DIP2A: variants seen among roughly 807,000 people sequenced by gnomAD.
The protein encoded by DIP2A is DIP2 acetate--CoA ligase A.
In DIP2A, 85 loss-of-function variants were observed where a neutral mutation model predicts 177.4. The ratio of observed to expected loss-of-function variants is 0.48; its 90% confidence interval spans 0.40 to 0.57. The LOEUF (loss-of-function observed/expected upper bound fraction) is 0.57, where lower values mean the gene tolerates loss of function less well. Ranked by LOEUF, DIP2A falls within the 20% of genes least tolerant of loss-of-function variation. The pLI is 0.00. For missense variants in DIP2A, 1,791 were observed against 2,100.2 expected (o/e 0.85, Z 2.88); for synonymous variants, 886 against 881.8 (o/e 1.00, Z -0.08).
chr21:46,470,198 G>A (rs2055226154), intron 1 of DIP2A, among the ~76,000 whole-genome samples: 1 of 152,054 alleles, frequency 6.6e-6, no homozygotes. Context: ...AAATGGGCTG[G>A]GCACAGTAGC....
chr21:46,487,891 G>T (rs1038810869), intron 2 of DIP2A, among the ~76,000 whole-genome samples: 1 of 152,220 alleles, frequency 6.6e-6, no homozygotes, highest in African/African-American at 2.4e-5. Flanking sequence ...TCTCAAGTTA[G>T]TGTGTGAACA....
chr21:46,503,571 TCTTC>T (rs911345370), intron 5 of DIP2A, among the ~76,000 whole-genome samples: 1,635 of 83,684 alleles, frequency 0.02, 24 homozygotes, highest in Middle Eastern at 0.029. Flanking sequence ...TGAGGGAATT[TCTTC>T]CTTCCTTCCT....
intron 1 of DIP2A, among the ~76,000 whole-genome samples, chr21:46,462,047 C>G (rs1479930202): frequency 3.3e-5 from 5 of 151,464 alleles, no homozygotes; most frequent in African/African-American, 1.2e-4. Context: ...GACCTTGTCT[C>G]AAAAAAAAGT....
At chr21:46,533,812 G>A (rs3747010) in intron 11 of DIP2A, among the ~76,000 whole-genome samples, 165 bp downstream of exon 11, 38,210 of 152,146 alleles carry the variant, frequency 0.25, 5,110 homozygotes, top group East Asian at 0.36. Flanking sequence ...TTCATGTCTC[G>A]ACCTGTACTG....
intron 32 of DIP2A, 126 bp downstream of exon 32, chr21:46,558,519 T>C (rs1156382220): frequency 2.2e-6 from 2 of 915,620 alleles, no homozygotes; most frequent in Non-Finnish European, 1.7e-6. Context: ...GCCTTTGATA[T>C]CTCATTTCCA....
chr21:46,528,527 CTTTTTTTTTTTTTTTTTTTTTTTTTTTTT>C (rs1162872343), intron 8 of DIP2A, among the ~76,000 whole-genome samples: 1 of 29,380 alleles, frequency 3.4e-5, no homozygotes. Context: ...TTTCTGCTTG[CTTTTTTTTTTTTTTTTTTTTTTTTTTTTT>C]TTTTTTTTTT....
chr21:46,520,623 G>A (rs1001857177), intron 8 of DIP2A, among the ~76,000 whole-genome samples: 1 of 152,214 alleles, frequency 6.6e-6, no homozygotes, highest in African/African-American at 2.4e-5. Context: ...ATTTTGTATG[G>A]ATGACAGAAT....
intron 8 of DIP2A, among the ~76,000 whole-genome samples, chr21:46,512,012 G>C (rs2058335998): frequency 6.6e-6 from 1 of 151,904 alleles, no homozygotes; most frequent in Admixed American, 6.6e-5. Flanking sequence ...AGTGAATATG[G>C]TCCTGTAATC....
chr21:46,514,079 A>AT (rs1053481746), intron 8 of DIP2A, among the ~76,000 whole-genome samples: 11 of 151,998 alleles, frequency 7.2e-5, no homozygotes, highest in African/African-American at 2.4e-4. Flanking sequence ...GTAATTTGTA[A>AT]TTTTCTCTAC....
chr21:46,577,685 C>G, the DIP2A span, among the ~76,000 whole-genome samples: 2 of 151,994 alleles, frequency 1.3e-5, no homozygotes, highest in Non-Finnish European at 2.9e-5. Context: ...CAATGGTAGT[C>G]TAATGGTAAT....
chr21:46,487,588 A>G (rs1215099414), intron 2 of DIP2A, among the ~76,000 whole-genome samples: 1 of 152,238 alleles, frequency 6.6e-6, no homozygotes, highest in African/African-American at 2.4e-5. Context: ...TTATACCTCA[A>G]AAACTCATGT....
At chr21:46,554,050 C>T (rs2060365569) in intron 25 of DIP2A, 119 bp from the exon 26 acceptor site, 1 of 1,337,774 alleles carries the variant, frequency 7.5e-7, no homozygotes. Flanking sequence ...TTGTCATTAT[C>T]ATGGACGCTA....
chr21:46,534,477 A>G lies in DIP2A; in HGVS notation c.1540-108A>G, dbSNP rs1601717183. On this transcript the variant is annotated intron_variant, in intron 12 of 37. Coordinates refer to ENST00000417564, the MANE Select transcript of DIP2A (RefSeq NM_015151.4). ...CTGCTGGTTAGAGGCCGATGGTTAG[A>G]GGAGAGACACTGACCACTTCTTCTT... 3.7e-6 allele frequency: 4 copies of G among 1,072,678 alleles called. No individual in the cohort carries two copies. In the East Asian group the frequency reaches 1.0e-4, roughly 28 times the overall value. The allele number at this position is 1,072,678 out of a possible 1,614,324, so 66.4% of individuals were successfully genotyped here. A position where few individuals can be genotyped will look rare whatever the true frequency, so the allele number is the denominator to read the frequency against.
chr21:46,519,859 T>TA (rs2058745512), intron 8 of DIP2A, among the ~76,000 whole-genome samples: 1 of 38,376 alleles, frequency 2.6e-5, no homozygotes, highest in East Asian at 6.8e-4. Context: ...ATCTAGATTT[T>TA]TTTTTTTTTT....
chr21:46,511,617 A>G lies in DIP2A; in HGVS notation c.1102+3A>G. 1 of 1,525,304 alleles carries G rather than the reference A, an allele frequency of 6.6e-7. No individual in the cohort carries two copies. Among genetic ancestry groups the G allele is most frequent in the Non-Finnish European group, 8.8e-7 (1 of 1,139,432 alleles). 94.5% of individuals were successfully genotyped at this position (1,525,304 alleles called of 1,614,324 possible). A position where few individuals can be genotyped will look rare whatever the true frequency, so the allele number is the denominator to read the frequency against. On this transcript the variant is annotated splice_donor_region_variant and intron_variant, in intron 8 of 37. Coordinates refer to ENST00000417564, the MANE Select transcript of DIP2A (RefSeq NM_015151.4). ...AGCCGTCTACACTCTCACCTATGGC[A>G]AGTGTTAACAGAAAGCAGTTGTGCT...
chr21:46,502,187 G>A (rs920495329), intron 5 of DIP2A, among the ~76,000 whole-genome samples: 8 of 152,066 alleles, frequency 5.3e-5, no homozygotes, highest in African/African-American at 1.4e-4. Flanking sequence ...CCGGGCTAGA[G>A]TGCAGCGGTA....
chr21:46,543,165 T>A (rs2059888073), intron 18 of DIP2A, among the ~76,000 whole-genome samples: 1 of 151,592 alleles, frequency 6.6e-6, no homozygotes, highest in African/African-American at 2.4e-5. Context: ...GTAAAATAAT[T>A]CTCCTGAGAA....
the DIP2A span, among the ~76,000 whole-genome samples, chr21:46,575,578 AAC>A: frequency 6.6e-6 from 1 of 152,206 alleles, no homozygotes; most frequent in Non-Finnish European, 1.5e-5. Context: ...ATACAAGGTC[AAC>A]ACACAAAAAT....
chr21:46,575,443 A>G, the DIP2A span, among the ~76,000 whole-genome samples: 1 of 152,190 alleles, frequency 6.6e-6, no homozygotes. Flanking sequence ...AGGCAAGAAA[A>G]AAAGGATTCT....
Sources: allele counts gnomAD v4.1 joint callset (sites outside exome capture counted in the v4.1 genomes callset), GRCh38; gene constraint gnomAD v4.1.1; transcripts MANE v1.5; gene names NCBI Gene and HGNC (gene_info 2026-07-23, HGNC 2026-07-21).